PIK3R1: variants seen among roughly 807,000 people sequenced by gnomAD.
PIK3R1 encodes phosphoinositide-3-kinase regulatory subunit 1, also known as phosphatidylinositol 3-kinase regulatory subunit alpha.
A neutral mutation model predicts 98.0 loss-of-function variants in PIK3R1; 29 were observed. The observed-to-expected ratio is 0.30, with a 90% CI of 0.22 to 0.40. The LOEUF is 0.40. PIK3R1 is among the 10% of genes least tolerant of loss of function. The pLI is 1.00. For synonymous variants in PIK3R1, 282 were observed against 311.8 expected (o/e 0.90, Z 1.01); for missense variants, 596 against 872.7 (o/e 0.68, Z 3.99).
At chr5:68,295,988 A>C (rs1004178300) in intron 14 of PIK3R1, among the ~76,000 whole-genome samples, 183 bp from the exon 15 acceptor site, 1 of 152,198 alleles carries the variant, frequency 6.6e-6, no homozygotes, top group Non-Finnish European at 1.5e-5. Context: ...GGGAGGTTGC[A>C]CTGGAGGCTG....
intron 15 of PIK3R1, among the ~76,000 whole-genome samples, chr5:68,296,849 A>T (rs1313544231): frequency 1.3e-5 from 2 of 152,178 alleles, no homozygotes; most frequent in Admixed American, 1.3e-4. Context: ...TCTAGTAGGG[A>T]ATGGTTCTAA....
At chr5:68,221,429 A>G (rs1200602595) in intron 1 of PIK3R1, among the ~76,000 whole-genome samples, 2 of 152,206 alleles carry the variant, frequency 1.3e-5, no homozygotes, top group Non-Finnish European at 2.9e-5. Context: ...GTAGAGAGAT[A>G]TGGGCTGTGG....
chr5:68,217,699 A>C (rs1743954854), intron 1 of PIK3R1: 1 of 151,278 alleles, frequency 6.6e-6, no homozygotes, highest in Non-Finnish European at 1.5e-5. Context: ...ATGTTGGTTC[A>C]GAGTTAAGGT....
At chr5:68,273,848 T>C (rs1746464253) in intron 3 of PIK3R1, 91 bp from the exon 4 acceptor site, 4 of 942,504 alleles carry the variant, frequency 4.2e-6, no homozygotes, top group Non-Finnish European at 7.0e-6. Context: ...AGATACTGGA[T>C]GGAAACTGGA....
intron 2 of PIK3R1, among the ~76,000 whole-genome samples, chr5:68,249,420 A>G (rs1387740026): frequency 1.3e-5 from 2 of 152,236 alleles, no homozygotes; most frequent in East Asian, 1.9e-4. Flanking sequence ...ATATTTCCAT[A>G]AAACCAGATG....
chr5:68,232,841 C>T (rs1744533533), intron 2 of PIK3R1, among the ~76,000 whole-genome samples: 1 of 152,194 alleles, frequency 6.6e-6, no homozygotes, highest in South Asian at 2.1e-4. Flanking sequence ...CCTCACACAC[C>T]TCTGATTCAA....
chr5:68,256,959 AGGGTGTGGCCACTCCAGGGAGAG>A (rs1035893474), intron 2 of PIK3R1, among the ~76,000 whole-genome samples: 2 of 152,124 alleles, frequency 1.3e-5, no homozygotes, highest in African/African-American at 4.8e-5. Flanking sequence ...CATGTGTCTC[AGGGTGTGGCCACTCCAGGGAGAG>A]GGAAGACGTG....
rs2112263818 is a variant in PIK3R1 at position 68,293,791 on chromosome 5, G to A, written c.1382G>A (p.Arg461Gln). Residue 461 changes from arginine (R) to glutamine (Q), a missense_variant, in exon 11 of 16, where the codon CGA (arginine) becomes CAA (glutamine). By Grantham distance (43) the Arg-to-Gln change is conservative. Around this residue, in one of 3 missense-constraint regions of PIK3R1, gnomAD observed 207 missense variants for 361.4 expected, o/e 0.57. Coordinates refer to ENST00000521381, the MANE Select transcript of PIK3R1 (RefSeq NM_181523.3). Reference sequence around the variant, plus strand: ...AACACTCAGTTTCAAGAAAAAAGTCGAGAATATGATAGATTATATGAAGAA... The same window carrying A: ...AACACTCAGTTTCAAGAAAAAAGTCAAGAATATGATAGATTATATGAAGAA... ...EYNTQFQEKS[R>Q]EYDRLYEEYT... The A allele has an allele frequency of 1.9e-6, 3 of 1,583,194 alleles. No individual in the cohort carries two copies. The highest frequency in any genetic ancestry group is 1.7e-6 in the Non-Finnish European group (2 of 1,161,132).
chr5:68,244,893 C>CCA (rs1745023858), intron 2 of PIK3R1, among the ~76,000 whole-genome samples: 1 of 152,136 alleles, frequency 6.6e-6, no homozygotes, highest in African/African-American at 2.4e-5. Context: ...TCTAAGAAAT[C>CCA]CAAAGTAGCA....
intron 11 of PIK3R1, among the ~76,000 whole-genome samples, chr5:68,294,239 T>C (rs1747561890): frequency 6.6e-6 from 1 of 152,198 alleles, no homozygotes; most frequent in African/African-American, 2.4e-5. Context: ...ACCCTTATTC[T>C]TCACTGGTCA....
rs1001461077 is a variant in PIK3R1 at position 68,301,162 on chromosome 5, G to A, written c.*3561G>A. 1.3e-5 allele frequency: 3 copies of A among 224,072 alleles called. No individual in the cohort carries two copies. In the South Asian group the frequency reaches 5.5e-4, roughly 41 times the overall value. 13.9% of individuals were successfully genotyped at this position (224,072 alleles called of 1,614,324 possible). A position where few individuals can be genotyped will look rare whatever the true frequency, so the allele number is the denominator to read the frequency against. On this transcript the variant is annotated 3_prime_UTR_variant, in exon 16 of 16. Coordinates refer to ENST00000521381, the MANE Select transcript of PIK3R1 (RefSeq NM_181523.3). The stretch of plus-strand genomic sequence containing the variant: ...CATTTTTAGAAAGGGGCAGTTTAAA[G>A]CACAATGTCTCACATGGGACAAAGT...
chr5:68,235,360 G>A (rs1744625355), intron 2 of PIK3R1, among the ~76,000 whole-genome samples: 1 of 151,796 alleles, frequency 6.6e-6, no homozygotes, highest in African/African-American at 2.4e-5. Context: ...CCGAGATTGT[G>A]CCACTGCACT....
chr5:68,226,061 T>C (rs1744262735), intron 1 of PIK3R1, among the ~76,000 whole-genome samples: 1 of 152,058 alleles, frequency 6.6e-6, no homozygotes, highest in South Asian at 2.1e-4. Flanking sequence ...AATGTCACAT[T>C]ATCGCTAAGA....
At chr5:68,266,513 T>C (rs1430510930) in intron 2 of PIK3R1, among the ~76,000 whole-genome samples, 1 of 152,260 alleles carries the variant, frequency 6.6e-6, no homozygotes, top group African/African-American at 2.4e-5. Flanking sequence ...CAAAAACTGC[T>C]ATTATCAAGA....
At chr5:68,264,986 G>A (rs1218638463) in intron 2 of PIK3R1, among the ~76,000 whole-genome samples, 1 of 152,140 alleles carries the variant, frequency 6.6e-6, no homozygotes, top group Non-Finnish European at 1.5e-5. Context: ...AGGCATGTAG[G>A]CAACAAGTTA....
chr5:68,287,032 A>G (rs1747106262), intron 7 of PIK3R1, among the ~76,000 whole-genome samples: 1 of 152,182 alleles, frequency 6.6e-6, no homozygotes, highest in African/African-American at 2.4e-5. Flanking sequence ...AGTTTGTAAA[A>G]TCACTTTCAT....
In PIK3R1 at chr5:68,261,585, A is replaced by G. The variant is rs567140939; in HGVS notation, c.335-11805A>G. On this transcript the variant is annotated intron_variant, in intron 2 of 15. Coordinates refer to ENST00000521381, the MANE Select transcript of PIK3R1 (RefSeq NM_181523.3). ...CCAGTAGGTTACATTAAATGGCCCC[A>G]AAAAGTAATTTATGGGCTAAAATGA... Among the ~76,000 whole-genome samples the G allele has an allele frequency of 3.3e-5, 5 of 152,298 alleles. No homozygotes were observed. The East Asian group carries it at 9.6e-4, about 29-fold the overall frequency.
chr5:68,278,871 T>TG (rs1746695685), intron 4 of PIK3R1, among the ~76,000 whole-genome samples: 2 of 147,614 alleles, frequency 1.4e-5, no homozygotes, highest in African/African-American at 2.5e-5. Flanking sequence ...ACCCGGGAGG[T>TG]GAAGGTTGCA....
chr5:68,273,693 T>G (rs1047370864), intron 3 of PIK3R1: 2 of 595,122 alleles, frequency 3.4e-6, no homozygotes, highest in Non-Finnish European at 6.0e-6. Flanking sequence ...AGTTTCCATA[T>G]GGAAACTATT....
Sources: gnomAD v4.1 joint callset for allele counts (sites outside exome capture counted in the v4.1 genomes callset) on GRCh38, gnomAD v4.1.1 for gene constraint, gnomAD v4.1.1 regional missense constraint, MANE v1.5 for transcripts, NCBI Gene and HGNC (gene_info 2026-07-23, HGNC 2026-07-21) for gene names.